The following ROBO1 variants were observed in gnomAD, a reference collection of about 807,000 sequenced individuals.
ROBO1 encodes roundabout guidance receptor 1, also known as roundabout homolog 1.
In ROBO1, 149 loss-of-function variants were observed where a neutral mutation model predicts 195.9. The ratio of observed to expected loss-of-function variants is 0.76; its 90% CI spans 0.67 to 0.87. The LOEUF (loss-of-function observed/expected upper bound fraction) is 0.87. Among genes scored for constraint, ROBO1 ranks in the 40% least tolerant of loss-of-function variants. The pLI, the probability that ROBO1 is intolerant of heterozygous loss-of-function variation, is 0.00. For synonymous variants in ROBO1, 816 were observed against 733.2 expected (o/e 1.11, Z -1.82); for missense variants, 1,933 against 2,068.3 (o/e 0.93, Z 1.27).
intron 2 of ROBO1, among the ~76,000 whole-genome samples, chr3:79,410,646 G>A (rs540018357): frequency 4.7e-5 from 7 of 148,634 alleles, no homozygotes; most frequent in African/African-American, 1.7e-4. Flanking sequence ...GGAAGGAAGG[G>A]GTGGAGAGAG....
At chr3:79,297,490 A>G (rs534512073) in intron 2 of ROBO1, among the ~76,000 whole-genome samples, 2 of 152,284 alleles carry the variant, frequency 1.3e-5, no homozygotes, top group South Asian at 4.1e-4. Flanking sequence ...GTATGTAACC[A>G]GATCTTGCTA....
intron 4 of ROBO1, among the ~76,000 whole-genome samples, chr3:78,837,891 C>T (rs755330441): frequency 5.3e-5 from 8 of 152,144 alleles, no homozygotes; most frequent in Non-Finnish European, 1.0e-4. Flanking sequence ...TGCCATGTTG[C>T]ATAATGCTTA....
intron 4 of ROBO1, among the ~76,000 whole-genome samples, chr3:78,892,458 T>C (rs2036962634): frequency 6.6e-6 from 1 of 152,214 alleles, no homozygotes; most frequent in Non-Finnish European, 1.5e-5. Flanking sequence ...GCAAGTGATG[T>C]AATCACTGTA....
chr3:78,918,390 T>A (rs1428186928), intron 4 of ROBO1, among the ~76,000 whole-genome samples: 1 of 152,116 alleles, frequency 6.6e-6, no homozygotes, highest in Non-Finnish European at 1.5e-5. Context: ...AAACCAACCA[T>A]GACAGAGAGC....
At chr3:79,429,865 GTTC>G (rs1384090793) in intron 2 of ROBO1, among the ~76,000 whole-genome samples, 1 of 151,776 alleles carries the variant, frequency 6.6e-6, no homozygotes, top group Non-Finnish European at 1.5e-5. Flanking sequence ...GATTTAATTG[GTTC>G]TTATTTTATT....
chr3:78,866,882 G>A (rs1030293898), intron 4 of ROBO1, among the ~76,000 whole-genome samples: 1 of 152,066 alleles, frequency 6.6e-6, no homozygotes, highest in African/African-American at 2.4e-5. Context: ...GATCTCTACT[G>A]GTGTCACACT....
intron 4 of ROBO1, among the ~76,000 whole-genome samples, chr3:78,788,950 T>C (rs2083934457): frequency 6.6e-6 from 1 of 152,140 alleles, no homozygotes; most frequent in African/African-American, 2.4e-5. Flanking sequence ...GTCAGGAGTG[T>C]AGAAAATTAC....
intron 2 of ROBO1, among the ~76,000 whole-genome samples, chr3:79,129,545 C>T (rs1458804550): frequency 6.6e-6 from 1 of 151,968 alleles, no homozygotes; most frequent in Non-Finnish European, 1.5e-5. Context: ...TCTTCCTTTA[C>T]AGTATAAATT....
chr3:79,393,826 A>G (rs1285081078), intron 2 of ROBO1, among the ~76,000 whole-genome samples: 1 of 152,210 alleles, frequency 6.6e-6, no homozygotes, highest in Non-Finnish European at 1.5e-5. Flanking sequence ...GTCAGCTTTG[A>G]TGGATGGATA....
intron 1 of ROBO1, among the ~76,000 whole-genome samples, chr3:79,624,733 C>A (rs989249480): frequency 6.6e-6 from 1 of 151,984 alleles, no homozygotes; most frequent in Non-Finnish European, 1.5e-5. Context: ...GATTTAGACT[C>A]CCACACAATA....
chr3:78,942,050 C>T (rs1274605286), intron 3 of ROBO1, among the ~76,000 whole-genome samples: 2 of 152,066 alleles, frequency 1.3e-5, no homozygotes, highest in African/African-American at 2.4e-5. Context: ...CCTGTAATTC[C>T]AGCACTTTGG....
chr3:78,600,117 A>G lies in ROBO1; in HGVS notation c.4937T>C (p.Leu1646Ser). The G allele has an allele frequency of 1.2e-6, 2 of 1,610,158 alleles. No individual in the cohort carries two copies. Among genetic ancestry groups the G allele is most frequent in the Middle Eastern group, 1.7e-4 (1 of 6,050 alleles). The change falls in exon 30 of 31, where the codon TTA (leucine) becomes TCA (serine). Residue 1646 changes from leucine to serine, a missense_variant. Transcript: ENST00000464233. ...YERGEDNNEE[L>S]EETES ...TTGGGGAAAAATTATAGATACCTCT[A>G]ATTCTTCATTATTATCTTCTCCTCT... is the stretch of plus-strand genomic sequence containing the variant.
intron 2 of ROBO1, among the ~76,000 whole-genome samples, chr3:79,367,394 C>G (rs940339487): frequency 2.0e-5 from 3 of 152,140 alleles, no homozygotes; most frequent in African/African-American, 7.2e-5. Context: ...TTCCCTGAAG[C>G]TTATCACCAA....
intron 3 of ROBO1, among the ~76,000 whole-genome samples, chr3:79,017,785 T>G (rs1348056501): frequency 2.0e-5 from 3 of 152,144 alleles, no homozygotes; most frequent in Non-Finnish European, 4.4e-5. Context: ...TTCCGATGCT[T>G]GCAACCGCCT....
intron 5 of ROBO1, among the ~76,000 whole-genome samples, chr3:78,737,426 C>T (rs995333504): frequency 6.6e-6 from 1 of 152,018 alleles, no homozygotes; most frequent in African/African-American, 2.4e-5. Flanking sequence ...AAAGAGAACA[C>T]CATTACTAAT....
intron 4 of ROBO1, among the ~76,000 whole-genome samples, chr3:78,872,466 C>T (rs368859383): frequency 5.4e-4 from 82 of 152,320 alleles, no homozygotes; most frequent in African/African-American, 1.7e-3. Context: ...GGAATCCTAA[C>T]GGACTGGGAA....
At chr3:79,533,041 A>G in intron 2 of ROBO1, 1 of 419,370 alleles carries the variant, frequency 2.4e-6, no homozygotes, top group Non-Finnish European at 4.7e-6. Flanking sequence ...CCTTTAAACC[A>G]TTAAAAAGGG....
chr3:78,914,610 G>A lies in ROBO1; in HGVS notation c.499+23991C>T, dbSNP rs566564425. ...ATATAAATCAATGTTTTTATTACAC[G>A]TAACTTGCTTAGTTTCTGAACAAGA... On this transcript the variant is annotated intron_variant, in intron 4 of 30. Transcript: ENST00000464233. 9.8e-4 allele frequency among the ~76,000 whole-genome samples: 148 copies of A among 151,068 alleles called. 1 individual carries two copies. The highest frequency in any genetic ancestry group is 1.8e-3 in the Non-Finnish European group (124 of 67,730).
At chr3:79,230,806 C>T (rs2082305060) in intron 2 of ROBO1, among the ~76,000 whole-genome samples, 1 of 152,046 alleles carries the variant, frequency 6.6e-6, no homozygotes, top group Admixed American at 6.6e-5. Flanking sequence ...ATCATGCTAC[C>T]CAACTTCAAA....
Sources: gnomAD v4.1 joint callset for allele counts (sites outside exome capture counted in the v4.1 genomes callset) on GRCh38, gnomAD v4.1.1 for gene constraint, MANE v1.5 for transcripts, NCBI Gene and HGNC (gene_info 2026-07-23, HGNC 2026-07-21) for gene names.